LPP: variants seen among roughly 807,000 people sequenced by gnomAD.
The protein encoded by LPP is LIM domain containing preferred translocation partner in lipoma.
LPP carries 38 observed loss-of-function variants against 60.4 expected under a neutral mutation model. The ratio of observed to expected loss-of-function variants is 0.63; its 90% CI spans 0.49 to 0.83. The LOEUF (loss-of-function observed/expected upper bound fraction) is 0.83. Among genes scored for constraint, LPP ranks in the 40% least tolerant of loss-of-function variants. The pLI is 0.00. For missense variants in LPP, 902 were observed against 783.6 expected, an observed-to-expected ratio of 1.15 and a Z score of -1.80; for synonymous variants, 328 against 290.8, an observed-to-expected ratio of 1.13 and a Z score of -1.30.
intron 8 of LPP, among the ~76,000 whole-genome samples, chr3:188,738,937 C>T (rs1218953713): frequency 2.0e-5 from 3 of 152,014 alleles, no homozygotes; most frequent in Non-Finnish European, 2.9e-5. Context: ...AATGGCTTGC[C>T]CCTGCATATA....
At chr3:188,586,832 A>G (rs1239251200) in intron 6 of LPP, among the ~76,000 whole-genome samples, 3 of 151,606 alleles carry the variant, frequency 2.0e-5, no homozygotes, top group Non-Finnish European at 4.4e-5. Flanking sequence ...GGTTCCAGCA[A>G]TTCTCCTGCC....
At chr3:188,818,092 T>G (rs557194586) in intron 9 of LPP, among the ~76,000 whole-genome samples, 74 of 152,214 alleles carry the variant, frequency 4.9e-4, no homozygotes, top group African/African-American at 1.6e-3. Context: ...AAGTAACGGG[T>G]GCATATCCTG....
At chr3:188,626,151 A>G (rs994034604) in intron 7 of LPP, among the ~76,000 whole-genome samples, 3 of 152,194 alleles carry the variant, frequency 2.0e-5, no homozygotes, top group Non-Finnish European at 4.4e-5. Flanking sequence ...CTATAACAAA[A>G]TACAGTCAGG....
chr3:188,760,577 A>G (rs1298337259), intron 9 of LPP, among the ~76,000 whole-genome samples: 1 of 152,220 alleles, frequency 6.6e-6, no homozygotes, highest in Non-Finnish European at 1.5e-5. Context: ...GCTTTCTAGC[A>G]TGTATGTACA....
At chr3:188,334,532 G>A (rs1761107542) in intron 2 of LPP, among the ~76,000 whole-genome samples, 1 of 146,802 alleles carries the variant, frequency 6.8e-6, no homozygotes, top group African/African-American at 2.5e-5. Context: ...CTGGGTTCAA[G>A]CGTTTCTCCT....
chr3:188,592,847 G>A (rs960112242), intron 6 of LPP, among the ~76,000 whole-genome samples: 3 of 151,924 alleles, frequency 2.0e-5, no homozygotes, highest in African/African-American at 7.3e-5. Flanking sequence ...GCGTATCATT[G>A]TTTTAATGAA....
chr3:188,292,911 A>G (rs1307195463), intron 2 of LPP, among the ~76,000 whole-genome samples: 1 of 152,168 alleles, frequency 6.6e-6, no homozygotes. Flanking sequence ...TTATGCCCCC[A>G]GTAAGGATCA....
rs566922660 is a variant in LPP at position 188,861,496 on chromosome 3, G to A, written c.1411-4704G>A. On this transcript the variant is annotated intron_variant, in intron 9 of 11. Coordinates refer to ENST00000617246, the MANE Select transcript of LPP (RefSeq NM_001375462.1). ...TCAATTACTTATGTAAATGAAGACT[G>A]TATATCTTGATTTTAAATACTCAAA... is the stretch of plus-strand genomic sequence containing the variant. Among the ~76,000 whole-genome samples, 3 of 152,182 alleles carry A rather than the reference G, an allele frequency of 2.0e-5. No individual in the cohort carries two copies. The East Asian group carries it at 5.8e-4, about 29-fold the overall frequency.
rs899805347 is a variant in LPP, at chr3:188,879,479, C to T, written c.*5000C>T. The T allele has an allele frequency of 2.9e-5, 6 of 203,436 alleles. No homozygotes were observed. The highest frequency in any genetic ancestry group is 2.3e-4 in the East Asian group (3 of 13,278). The allele number at this position is 203,436 out of a possible 1,614,324, so 12.6% of individuals were successfully genotyped here. A position where few individuals can be genotyped will look rare whatever the true frequency, so the allele number is the denominator to read the frequency against. On this transcript the variant is annotated 3_prime_UTR_variant, in exon 12 of 12. Transcript: ENST00000617246. ...GCATATTTTTTAGGTTGTATTTATT[C>T]GTAAAGTGAAATGAGATAATAGAGT...
intron 3 of LPP, among the ~76,000 whole-genome samples, chr3:188,345,007 G>A (rs1289436283): frequency 1.3e-5 from 2 of 152,174 alleles, no homozygotes; most frequent in Admixed American, 1.3e-4. Context: ...CAAAGCCAGA[G>A]GGGACTTCAC....
At chr3:188,469,013 A>G (rs762851512) in intron 4 of LPP, among the ~76,000 whole-genome samples, 1 of 152,132 alleles carries the variant, frequency 6.6e-6, no homozygotes, top group Non-Finnish European at 1.5e-5. Context: ...CTTCTATCCC[A>G]TGACTTCCTA....
At chr3:188,272,911 C>T (rs1394541937) in intron 2 of LPP, among the ~76,000 whole-genome samples, 1 of 152,184 alleles carries the variant, frequency 6.6e-6, no homozygotes, top group Admixed American at 6.5e-5. Flanking sequence ...CACCTATTAA[C>T]TTGTTAGACC....
intron 2 of LPP, chr3:188,240,061 C>G (rs1257559167): frequency 5.1e-6 from 1 of 197,462 alleles, no homozygotes; most frequent in Non-Finnish European, 1.1e-5. Flanking sequence ...ACCTAGATCT[C>G]TGGTATTGCT....
chr3:188,626,586 T>G (rs568093434), intron 7 of LPP, among the ~76,000 whole-genome samples: 1 of 152,238 alleles, frequency 6.6e-6, no homozygotes, highest in East Asian at 1.9e-4. Context: ...AGCTTTCTCC[T>G]TGGATAAAAA....
intron 6 of LPP, among the ~76,000 whole-genome samples, chr3:188,583,343 T>C (rs1190320148): frequency 3.9e-5 from 6 of 152,126 alleles, no homozygotes; most frequent in Admixed American, 2.0e-4. Flanking sequence ...CCCAGAGACA[T>C]TGAGCCACCA....
intron 7 of LPP, among the ~76,000 whole-genome samples, chr3:188,625,184 G>C (rs1846605273): frequency 6.6e-6 from 1 of 152,080 alleles, no homozygotes; most frequent in South Asian, 2.1e-4. Context: ...TTTGTTCAAT[G>C]ATGGGAAATT....
At chr3:188,392,502 T>C (rs894454861) in intron 3 of LPP, among the ~76,000 whole-genome samples, 1 of 152,200 alleles carries the variant, frequency 6.6e-6, no homozygotes, top group Non-Finnish European at 1.5e-5. Flanking sequence ...TGAGAATTAA[T>C]GTAAAATGGT....
At chr3:188,185,947 A>C (rs1340284100) in intron 1 of LPP, among the ~76,000 whole-genome samples, 1 of 152,246 alleles carries the variant, frequency 6.6e-6, no homozygotes, top group Non-Finnish European at 1.5e-5. Context: ...AGAAGCGATC[A>C]GGCTGACAAC....
chr3:188,545,390 AT>A (rs1312034310), intron 6 of LPP, among the ~76,000 whole-genome samples: 7 of 152,052 alleles, frequency 4.6e-5, no homozygotes, highest in Admixed American at 4.6e-4. Context: ...GACAGAAGGG[AT>A]AAGTACTGGT....
Sources: gnomAD v4.1 joint callset for allele counts (sites outside exome capture counted in the v4.1 genomes callset) on GRCh38, gnomAD v4.1.1 for gene constraint, MANE v1.5 for transcripts, NCBI Gene and HGNC (gene_info 2026-07-23, HGNC 2026-07-21) for gene names.